Variants in SLC9A4 observed in about 807,000 individuals in gnomAD.
The protein encoded by SLC9A4 is solute carrier family 9 member A4, also known as sodium/hydrogen exchanger 4.
In SLC9A4, 63 loss-of-function variants were observed where a neutral mutation model predicts 67.4. That is an observed-to-expected ratio of 0.93 (90% CI 0.76 to 1.15). The LOEUF (loss-of-function observed/expected upper bound fraction) is 1.15, where lower values mean the gene tolerates loss of function less well. Ranked by LOEUF, SLC9A4 falls within the 50% of genes most tolerant of loss-of-function variation. SLC9A4 has a pLI of 0.00. For missense variants in SLC9A4, 1,089 were observed against 987.7 expected (o/e 1.10, Z -1.38); for synonymous variants, 393 against 367.2 (o/e 1.07, Z -0.80).
At chr2:102,486,543 T>C (rs985466179) in intron 2 of SLC9A4, among the ~76,000 whole-genome samples, 9 of 152,202 alleles carry the variant, frequency 5.9e-5, no homozygotes, top group Admixed American at 5.2e-4. Flanking sequence ...TTATATTTTC[T>C]TTCATTTTAT....
intron 2 of SLC9A4, among the ~76,000 whole-genome samples, chr2:102,502,682 A>T (rs1281990946): frequency 2.0e-5 from 3 of 151,926 alleles, no homozygotes; most frequent in African/African-American, 7.3e-5. Context: ...ACAATCGACC[A>T]CCCTCCGGAA....
In SLC9A4 at chr2:102,532,789, G is replaced by T. The variant is rs1674806796; in HGVS notation, c.*101G>T. 1 of 1,280,450 alleles carries T rather than the reference G, an allele frequency of 7.8e-7. No homozygotes were observed. The highest frequency in any genetic ancestry group is 1.4e-5 in the South Asian group (1 of 68,966). The allele number at this position is 1,280,450 out of a possible 1,614,324, so 79.3% of individuals were successfully genotyped here. On this transcript the variant is annotated 3_prime_UTR_variant, in exon 12 of 12. Coordinates refer to ENST00000295269, the MANE Select transcript of SLC9A4 (RefSeq NM_001011552.4). ...AATTCAGAAGAGAGCTATTGAGTTT[G>T]CTGTGTTGAAGCTATTAAACATGGA...
intron 2 of SLC9A4, among the ~76,000 whole-genome samples, chr2:102,482,369 A>C (rs1310499503): frequency 1.3e-5 from 2 of 152,164 alleles, no homozygotes; most frequent in Non-Finnish European, 2.9e-5. Flanking sequence ...TATTGCCTTT[A>C]GGTTGAGAGA....
At chr2:102,494,580 C>T (rs1489971817) in intron 2 of SLC9A4, among the ~76,000 whole-genome samples, 2 of 151,984 alleles carry the variant, frequency 1.3e-5, no homozygotes, top group Non-Finnish European at 2.9e-5. Flanking sequence ...CAAATATATT[C>T]TATTTATAAG....
Position 102,491,317 on chromosome 2 carries a change from C to CTTTTTTTTTTTTTTTTT in SLC9A4, c.720+12034_720+12050dup, listed in dbSNP as rs61708027. Among the ~76,000 whole-genome samples, 48 of 45,766 alleles carry CTTTTTTTTTTTTTTTTT rather than the reference C, an allele frequency of 1.0e-3. 4 individuals are homozygous for CTTTTTTTTTTTTTTTTT. The highest frequency in any genetic ancestry group is 1.6e-3 in the Non-Finnish European group (39 of 24,514). 30.0% of individuals were successfully genotyped at this position (45,766 alleles called of 152,430 possible). ...ATTTCTCTTCCCATTTGTACTAATG[C>CTTTTTTTTTTTTTTTTT]TTTTTTTTTTTTTTTTTTTTTTTTT... On this transcript the variant is annotated intron_variant, in intron 2 of 11. Coordinates refer to ENST00000295269, the MANE Select transcript of SLC9A4 (RefSeq NM_001011552.4).
At chr2:102,516,560 T>C (rs1685282199) in intron 8 of SLC9A4, among the ~76,000 whole-genome samples, 1 of 152,248 alleles carries the variant, frequency 6.6e-6, no homozygotes, top group Non-Finnish European at 1.5e-5. Context: ...TTCAAGCAAT[T>C]GTTCTACAAA....
chr2:102,473,883 TCTAACG>T lies in SLC9A4; in HGVS notation c.127_132del (p.Asn43_Ala44del), dbSNP rs1183023079. On this transcript the variant is annotated inframe_deletion, in exon 1 of 12. Coordinates refer to ENST00000295269, the MANE Select transcript of SLC9A4 (RefSeq NM_001011552.4). Reference sequence around the variant, plus strand: ...TGCAAATTCCACTGCTCAGTATGCATCTAACGCTTGGTTTGCTGCTGCCAGCTCAGA... The same window carrying T: ...TGCAAATTCCACTGCTCAGTATGCATCTTGGTTTGCTGCTGCCAGCTCAGA... 2 of 1,614,034 alleles carry T rather than the reference TCTAACG, an allele frequency of 1.2e-6. No individual in the cohort carries two copies. Among genetic ancestry groups the T allele is most frequent in the Admixed American group, 3.3e-5 (2 of 60,002 alleles).
chr2:102,487,784 C>T (rs1183716910), intron 2 of SLC9A4, among the ~76,000 whole-genome samples: 1 of 152,162 alleles, frequency 6.6e-6, no homozygotes, highest in Non-Finnish European at 1.5e-5. Context: ...GGTTGAGCAG[C>T]TATGGAAATG....
Position 102,473,672 on chromosome 2 carries a change from T to C in SLC9A4, c.-88T>C. ...GTACCTATATTACTTTTGACCCAGG[T>C]GGATGCAGTCACTCTCTAGAAGCCT... On this transcript the variant is annotated 5_prime_UTR_variant, in exon 1 of 12. Coordinates refer to ENST00000295269, the MANE Select transcript of SLC9A4 (RefSeq NM_001011552.4). The C allele has an allele frequency of 6.5e-7, 1 of 1,528,144 alleles. No individual in the cohort carries two copies. Among genetic ancestry groups the C allele is most frequent in the Non-Finnish European group, 8.8e-7 (1 of 1,135,614 alleles). The allele number at this position is 1,528,144 out of a possible 1,614,324, so 94.7% of individuals were successfully genotyped here. A position where few individuals can be genotyped will look rare whatever the true frequency, so the allele number is the denominator to read the frequency against.
intron 9 of SLC9A4, among the ~76,000 whole-genome samples, chr2:102,521,172 C>T (rs1282176257): frequency 6.6e-6 from 1 of 152,166 alleles, no homozygotes; most frequent in Non-Finnish European, 1.5e-5. Context: ...TCAGCCTTTT[C>T]CCTATGTGGA....
intron 2 of SLC9A4, among the ~76,000 whole-genome samples, chr2:102,499,573 TTGTG>T (rs1439924446): frequency 6.6e-6 from 1 of 152,158 alleles, no homozygotes; most frequent in African/African-American, 2.4e-5. Context: ...TGTGTGTCTG[TTGTG>T]TGTGTCTATT....
intron 6 of SLC9A4, among the ~76,000 whole-genome samples, chr2:102,510,622 G>A (rs1481381628): frequency 2.0e-5 from 3 of 152,142 alleles, no homozygotes; most frequent in African/African-American, 4.8e-5. Context: ...AATAACCGGG[G>A]ACTTGCCTGT....
chr2:102,502,834 G>A (rs903588556), intron 2 of SLC9A4, among the ~76,000 whole-genome samples: 7 of 152,240 alleles, frequency 4.6e-5, no homozygotes, highest in Admixed American at 6.5e-5. Context: ...TGGGCTGCTC[G>A]GGTGGAGCCC....
intron 2 of SLC9A4, among the ~76,000 whole-genome samples, chr2:102,484,449 A>C (rs867972049): frequency 1.3e-5 from 2 of 152,274 alleles, no homozygotes; most frequent in South Asian, 4.1e-4. Context: ...TAAAATTGGG[A>C]TAATGACATT....
chr2:102,524,923 C>A, intron 9 of SLC9A4, 101 bp from the exon 10 acceptor site: 1 of 1,422,478 alleles, frequency 7.0e-7, no homozygotes, highest in Admixed American at 1.8e-5. Flanking sequence ...AAGGTGCTCA[C>A]CTGTTCTCCT....
chr2:102,485,044 A>C (rs796101866), intron 2 of SLC9A4, among the ~76,000 whole-genome samples: 6 of 152,252 alleles, frequency 3.9e-5, no homozygotes, highest in African/African-American at 1.4e-4. Context: ...TTTAAGCCTC[A>C]TGGCACCTTA....
chr2:102,520,201 GC>G (rs1215437633), intron 9 of SLC9A4, among the ~76,000 whole-genome samples: 2 of 152,172 alleles, frequency 1.3e-5, no homozygotes, highest in Non-Finnish European at 2.9e-5. Context: ...GGGGCAGGCT[GC>G]CCTAGCCCTG....
intron 7 of SLC9A4, 25 bp from the exon 8 acceptor site, chr2:102,514,065 C>A: frequency 1.2e-6 from 2 of 1,607,052 alleles, no homozygotes; most frequent in Non-Finnish European, 1.7e-6. Context: ...TTCAAGATTT[C>A]CAAAATGTTG....
At chr2:102,477,258 T>C (rs1011445509) in intron 1 of SLC9A4, among the ~76,000 whole-genome samples, 2 of 152,216 alleles carry the variant, frequency 1.3e-5, no homozygotes, top group Admixed American at 1.3e-4. Context: ...ATGTCAAAGA[T>C]ATCTGGCTGG....
Sources: allele counts gnomAD v4.1 joint callset (sites outside exome capture counted in the v4.1 genomes callset), GRCh38; gene constraint gnomAD v4.1.1; transcripts MANE v1.5; gene names NCBI Gene and HGNC (gene_info 2026-07-23, HGNC 2026-07-21).